Variants in ACOT11 observed in about 807,000 individuals in gnomAD.
ACOT11 encodes the protein acyl-coenzyme A thioesterase 11.
Under a neutral mutation model 77.5 loss-of-function variants are expected in ACOT11, and 69 were observed. The ratio of observed to expected loss-of-function variants is 0.89; its 90% CI spans 0.73 to 1.09. The LOEUF (loss-of-function observed/expected upper bound fraction) is 1.09, where lower values mean the gene tolerates loss of function less well. Among genes scored for constraint, ACOT11 ranks in the 50% least tolerant of loss-of-function variants. ACOT11 has a pLI of 0.00. For missense variants in ACOT11, 766 were observed against 813.7 expected (o/e 0.94, Z 0.71); for synonymous variants, 279 against 313.0 (o/e 0.89, Z 1.15).
intron 12 of ACOT11, 51 bp from the exon 13 acceptor site, chr1:54,605,025 A>G: frequency 6.4e-7 from 1 of 1,565,316 alleles, no homozygotes; most frequent in East Asian, 2.3e-5. Flanking sequence ...CAGCATCCCC[A>G]TCAGTCCACT....
At chr1:54,568,159 T>C (rs1226385822) in intron 1 of ACOT11, among the ~76,000 whole-genome samples, 1 of 152,176 alleles carries the variant, frequency 6.6e-6, no homozygotes, top group Non-Finnish European at 1.5e-5. Context: ...CAATTGCTCC[T>C]TCTCATCATT....
At chr1:54,580,490 C>G (rs1196172942) in intron 1 of ACOT11, among the ~76,000 whole-genome samples, 1 of 152,222 alleles carries the variant, frequency 6.6e-6, no homozygotes, top group African/African-American at 2.4e-5. Context: ...CTCATTTGCC[C>G]CAGTGTTCAC....
chr1:54,634,964 G>C (rs1644323143), exon 17 of ACOT11: 1 of 492,442 alleles, frequency 2.0e-6, no homozygotes, highest in Admixed American at 3.8e-5. Context: ...AGCTATGATA[G>C]CAGTTATCAC....
chr1:54,594,389 C>G (rs1174841025), intron 5 of ACOT11, among the ~76,000 whole-genome samples, 167 bp from the exon 6 acceptor site: 1 of 152,184 alleles, frequency 6.6e-6, no homozygotes, highest in East Asian at 1.9e-4. Flanking sequence ...ATCAGGTCAT[C>G]GTGGAGGCAG....
chr1:54,607,977 T>A lies in ACOT11; in HGVS notation c.1538T>A (p.Leu513Gln), dbSNP rs781544242. The A allele has an allele frequency of 1.2e-6, 2 of 1,613,658 alleles. No homozygotes were observed. The highest frequency in any genetic ancestry group is 2.7e-5 in the African/African-American group (2 of 74,780). The change falls in exon 15 of 16, where the codon CTG becomes CAG. Residue 513 changes from leucine (L) to glutamine (Q), a missense_variant. Transcript: ENST00000343744. This position sits in a 1 kb window ranked among gnomAD's most constrained non-coding sequence, Gnocchi z 4.5. ...GTCATCGCGCTGAGGTCGGTCACGC[T>A]GCCCACACACCGAGAGACGCCAGAG... is the stretch of plus-strand genomic sequence containing the variant. ...PYVIALRSVTLPTHRETPEYR... is the reference protein window; with the variant it reads ...PYVIALRSVTQPTHRETPEYR...
chr1:54,558,928 G>A (rs1019838423), intron 1 of ACOT11, among the ~76,000 whole-genome samples: 4 of 152,150 alleles, frequency 2.6e-5, no homozygotes, highest in African/African-American at 9.7e-5. Context: ...TGGGCTCAGC[G>A]ACCCAGGGAA....
intron 3 of ACOT11, among the ~76,000 whole-genome samples, chr1:54,588,346 C>T (rs1299419291): frequency 6.6e-6 from 1 of 152,156 alleles, no homozygotes; most frequent in East Asian, 1.9e-4. Flanking sequence ...TATTTTGATG[C>T]CTTTTTAATT....
intron 15 of ACOT11, among the ~76,000 whole-genome samples, chr1:54,625,278 G>T (rs1212140722): frequency 6.6e-6 from 1 of 152,208 alleles, no homozygotes; most frequent in African/African-American, 2.4e-5. Flanking sequence ...CAGCTGCCAG[G>T]AGCCAGGCCC....
chr1:54,629,581 C>T (rs774662581), intron 15 of ACOT11, among the ~76,000 whole-genome samples: 1 of 131,052 alleles, frequency 7.6e-6, no homozygotes, highest in African/African-American at 2.6e-5. Flanking sequence ...CCCCCGTGCC[C>T]GGCCTGTTTT....
intron 15 of ACOT11, among the ~76,000 whole-genome samples, chr1:54,608,290 T>C (rs769164346): frequency 4.6e-5 from 7 of 152,092 alleles, no homozygotes; most frequent in Non-Finnish European, 4.4e-5. Flanking sequence ...AAGCTCTGGG[T>C]GCTGAAGGCA....
chr1:54,605,089 C>G lies in ACOT11; in HGVS notation c.1250C>G (p.Thr417Ser), dbSNP rs760274668. 1 of 1,613,738 alleles carries G rather than the reference C, an allele frequency of 6.2e-7. No homozygotes were observed. The highest frequency in any genetic ancestry group is 1.3e-5 in the African/African-American group (1 of 75,054). ...TATCCCATGCAGGTCCGCCTGTACA[C>G]TCTGGAGGATGACAAGTTCCTCTCC... is the stretch of plus-strand genomic sequence containing the variant. ...SSEISQVRLY[T>S]LEDDKFLSFH... is the part of the protein sequence containing the mutation. The change falls in exon 13 of 16, where the codon ACT (threonine) becomes AGT (serine). Residue 417 changes from threonine to serine, a missense_variant. By Grantham distance (58) the Thr-to-Ser change is moderately conservative. Transcript: ENST00000343744.
intron 6 of ACOT11, 94 bp from the exon 7 acceptor site, chr1:54,597,165 A>G: frequency 1.3e-6 from 2 of 1,492,196 alleles, no homozygotes; most frequent in Non-Finnish European, 1.8e-6. Context: ...AGTGGGGTAG[A>G]GTGGTGGGGG....
chr1:54,557,451 A>G (rs998820571), intron 1 of ACOT11, among the ~76,000 whole-genome samples: 1 of 151,942 alleles, frequency 6.6e-6, no homozygotes, highest in Non-Finnish European at 1.5e-5. Context: ...GTGCACTGAA[A>G]AAAACATTTT....
At chr1:54,560,202 A>G (rs989442651) in intron 1 of ACOT11, among the ~76,000 whole-genome samples, 3 of 152,226 alleles carry the variant, frequency 2.0e-5, no homozygotes, top group African/African-American at 7.2e-5. Flanking sequence ...AGCACAGCAC[A>G]GCACAGCCAG....
Position 54,554,160 on chromosome 1 carries a change from C to G in ACOT11, c.33+5818C>G, listed in dbSNP as rs759974971. On this transcript the variant is annotated intron_variant, in intron 1 of 15. Transcript: ENST00000343744. The stretch of plus-strand genomic sequence containing the variant: ...TTCAGCCTGGGCAACAGAGCCAGAC[C>G]CTGTCACACACAAAAACAAAAACAA... Among the ~76,000 whole-genome samples the G allele has an allele frequency of 9.1e-4, 137 of 150,754 alleles. 2 individuals carry two copies. Among genetic ancestry groups the G allele is most frequent in the Non-Finnish European group, 2.7e-4 (18 of 67,778 alleles).
rs764678204 is a variant in ACOT11 at position 54,607,961 on chromosome 1, C to G, written c.1522C>G (p.Leu508Val). The part of the protein sequence containing the change: ...CDNGDPYVIA[L>V]RSVTLPTHRE... ...ACTCAGGGACCCCTATGTCATCGCG[C>G]TGAGGTCGGTCACGCTGCCCACACA... The change falls in exon 15 of 16, where the codon CTG becomes GTG. Residue 508 changes from leucine to valine, a missense_variant. Coordinates refer to ENST00000343744, the MANE Select transcript of ACOT11 (RefSeq NM_147161.4). The surrounding 1 kb of genome is among the most constrained non-coding windows in gnomAD (Gnocchi z 4.5). The G allele has an allele frequency of 7.4e-6, 12 of 1,613,858 alleles. No individual in the cohort carries two copies. The highest frequency in any genetic ancestry group is 3.3e-4 in the Middle Eastern group (2 of 6,084).
intron 12 of ACOT11, 141 bp downstream of exon 12, chr1:54,604,570 G>C (rs1644002683): frequency 1.2e-6 from 1 of 810,090 alleles, no homozygotes; most frequent in South Asian, 1.7e-5. Context: ...AACCAGTCCA[G>C]TTATGGAAAC....
intron 15 of ACOT11, chr1:54,623,623 C>A (rs1252261289): frequency 1.8e-5 from 9 of 503,724 alleles, no homozygotes; most frequent in Admixed American, 1.1e-4. Flanking sequence ...TCTTAACAGG[C>A]TAACCAGAAT....
chr1:54,615,061 G>A (rs1278109296), downstream of ACOT11, among the ~76,000 whole-genome samples: 2 of 142,194 alleles, frequency 1.4e-5, 1 homozygote, highest in South Asian at 4.5e-4. Context: ...CAGAGAAGAA[G>A]GGCCTGCCTC....
Sources: allele counts gnomAD v4.1 joint callset (sites outside exome capture counted in the v4.1 genomes callset), GRCh38; gene constraint gnomAD v4.1.1; non-coding constraint Gnocchi (gnomAD v3.1); transcripts MANE v1.5; gene names NCBI Gene and HGNC (gene_info 2026-07-23, HGNC 2026-07-21).